DNMBP: variants seen among roughly 807,000 people sequenced by gnomAD.
DNMBP encodes the protein dynamin binding protein.
A neutral mutation model predicts 150.0 loss-of-function variants in DNMBP; 87 were observed. That is an observed-to-expected ratio of 0.58 (90% CI 0.49 to 0.69). The LOEUF is 0.69. DNMBP is among the 30% of genes least tolerant of loss of function. The pLI, the probability that DNMBP is intolerant of heterozygous loss-of-function variation, is 0.00. For synonymous variants in DNMBP, 711 were observed against 750.4 expected, an observed-to-expected ratio of 0.95 and a Z score of 0.86; for missense variants, 1,774 against 1,949.0, an observed-to-expected ratio of 0.91 and a Z score of 1.69.
In DNMBP at chr10:99,879,976, G is replaced by A. The variant is rs1274143913; in HGVS notation, c.4383C>T (p.Ala1461=). Residue 1461 remains alanine, a synonymous_variant, in exon 16 of 17, where the codon GCC becomes GCT. Coordinates refer to ENST00000324109, the MANE Select transcript of DNMBP (RefSeq NM_015221.4). ...TGAAGTTCCGGTAGCTCCTCGGCGT[G>A]GCAGTGGGTTGCTTTACATCTCTAG... ...DVARDVKQPT[A]TPRSYRNFRH... 1 of 1,614,184 alleles carries A rather than the reference G, an allele frequency of 6.2e-7. No homozygotes were observed. Among genetic ancestry groups the A allele is most frequent in the Non-Finnish European group, 8.5e-7 (1 of 1,180,044 alleles).
At chr10:99,991,811 CAGG>C (rs1232201969) in intron 1 of DNMBP, among the ~76,000 whole-genome samples, 1 of 149,312 alleles carries the variant, frequency 6.7e-6, no homozygotes, top group African/African-American at 2.5e-5. Context: ...GAGGCTGAGG[CAGG>C]AGAATGGTGT....
rs1293144729 is a variant in DNMBP at position 99,956,052 on chromosome 10, T to C, written c.1422A>G (p.Pro474=). 6.2e-7 allele frequency: 1 copy of C among 1,614,224 alleles called. No homozygotes were observed. The highest frequency in any genetic ancestry group is 1.1e-5 in the South Asian group (1 of 91,082). Residue 474 remains proline (P), a synonymous_variant, in exon 4 of 17, where the codon CCA becomes CCG. Transcript: ENST00000324109. ...AAGAGCCCCTGTAAAGAGGGAGCACTGGCTTCTGAAGAGTTTTTAGCTGGG... is the reference window on the plus strand; with the variant it reads ...AAGAGCCCCTGTAAAGAGGGAGCACCGGCTTCTGAAGAGTTTTTAGCTGGG... ...MYSQLKTLQK[P]VLPLYRGSSV...
chr10:99,957,581 A>C, intron 3 of DNMBP: 1 of 213,620 alleles, frequency 4.7e-6, no homozygotes, highest in Non-Finnish European at 9.4e-6. Flanking sequence ...TACACCAGAA[A>C]TCCGAGCACT....
At chr10:99,893,702 G>A (rs1046696466) in intron 11 of DNMBP, among the ~76,000 whole-genome samples, 1 of 152,212 alleles carries the variant, frequency 6.6e-6, no homozygotes, top group Admixed American at 6.5e-5. Flanking sequence ...ACTCTAGCCT[G>A]GCGAGAGTGA....
intron 11 of DNMBP, among the ~76,000 whole-genome samples, chr10:99,894,220 T>C (rs931412348): frequency 5.9e-5 from 9 of 152,184 alleles, no homozygotes; most frequent in African/African-American, 2.2e-4. Flanking sequence ...CACTGAGCTA[T>C]GATGGCACTA....
At chr10:99,967,668 G>GGTGTGT (rs140839578) in intron 3 of DNMBP, among the ~76,000 whole-genome samples, 1,727 of 145,606 alleles carry the variant, frequency 0.012, 20 homozygotes, top group East Asian at 0.037. Context: ...GGTTTTTCTG[G>GGTGTGT]GTGTGTGTGT....
intron 1 of DNMBP, among the ~76,000 whole-genome samples, chr10:100,004,258 T>A (rs145274372): frequency 0.055 from 8,273 of 150,142 alleles, 525 homozygotes; most frequent in African/African-American, 0.15. Context: ...AGAAAAAATA[T>A]ATATATATAA....
chr10:99,941,499 A>C, intron 4 of DNMBP, among the ~76,000 whole-genome samples: 1 of 142,394 alleles, frequency 7.0e-6, no homozygotes, highest in African/African-American at 2.6e-5. Context: ...ATGGAGTTTC[A>C]CTCTTGTTGC....
In DNMBP at chr10:99,896,368, T is replaced by C; in HGVS notation, c.2950A>G (p.Ser984Gly). 1 of 1,614,188 alleles carries C rather than the reference T, an allele frequency of 6.2e-7. No homozygotes were observed. Among genetic ancestry groups the C allele is most frequent in the Non-Finnish European group, 8.5e-7 (1 of 1,180,018 alleles). Reference sequence around the variant, plus strand: ...AGTTTGGAAATTTTCTCCATAAGGCTATCTTCATCACCCTTACGGTACTTG... The same window carrying C: ...AGTTTGGAAATTTTCTCCATAAGGCCATCTTCATCACCCTTACGGTACTTG... ...VLKYRKGDED[S>G]LMEKISKLNI... is the part of the protein sequence containing the mutation. Residue 984 changes from serine to glycine, a missense_variant, in exon 10 of 17, where the codon AGC becomes GGC. This residue lies in a region of DNMBP where 1,430 missense variants were observed against 1,492.5 expected (regional missense o/e 0.96). Transcript: ENST00000324109.
In DNMBP at chr10:100,001,688, C is replaced by T. The variant is rs189686089; in HGVS notation, c.-11+8150G>A. On this transcript the variant is annotated intron_variant, in intron 1 of 16. Transcript: ENST00000324109. ...TTGGCCTACCAAAGTGCCGGGATTA[C>T]AGGTGTGAGCCACCGTACGTGGCCT... Among the ~76,000 whole-genome samples the T allele has an allele frequency of 5.4e-5, 8 of 148,818 alleles. No homozygotes were observed. The East Asian group carries it at 1.5e-3, about 29-fold the overall frequency.
intron 6 of DNMBP, among the ~76,000 whole-genome samples, chr10:99,905,001 AG>A (rs1456470988): frequency 1.3e-5 from 2 of 152,248 alleles, no homozygotes; most frequent in African/African-American, 4.8e-5. Context: ...ATAAACTGGA[AG>A]AAAAATGAGT....
chr10:99,998,106 A>G (rs538004525), intron 1 of DNMBP, among the ~76,000 whole-genome samples: 156 of 150,874 alleles, frequency 1.0e-3, no homozygotes, highest in Non-Finnish European at 1.9e-3. Context: ...GTGGTGGCGC[A>G]CACCTGTATT....
chr10:99,914,224 C>CAAATAGAAAGGAAGGTG, intron 4 of DNMBP: 1 of 799,208 alleles, frequency 1.3e-6, no homozygotes, highest in Non-Finnish European at 1.7e-6. Context: ...GGATCAACAC[C>CAAATAGAAAGGAAGGTG]TTCCTTTCTA....
Position 99,931,914 on chromosome 10 carries a change from G to A in DNMBP, c.2261-22768C>T, listed in dbSNP as rs993867653. ...GTTGGATGTGAACAGTGACTTCTAG[G>A]AGAAGCAGGATCTCTGCAGACTTCA... On this transcript the variant is annotated intron_variant, in intron 4 of 16. Transcript: ENST00000324109. Among the ~76,000 whole-genome samples, 14 of 152,232 alleles carry A rather than the reference G, an allele frequency of 9.2e-5. 1 individual carries two copies. The highest frequency in any genetic ancestry group is 9.2e-4 in the Admixed American group (14 of 15,282).
Position 99,898,144 on chromosome 10 carries a change from G to A in DNMBP, c.2862C>T (p.Val954=). 1 of 1,614,062 alleles carries A rather than the reference G, an allele frequency of 6.2e-7. No homozygotes were observed. The highest frequency in any genetic ancestry group is 8.5e-7 in the Non-Finnish European group (1 of 1,180,002). The part of the protein sequence containing the change: ...HPDKVPLTNA[V]LAVKEINVNI... Reference sequence around the variant, plus strand: ...TAACGTTGATTTCCTTGACCGCAAGGACTGCATTGGTTAAAGGCACTTTAT... The same window carrying A: ...TAACGTTGATTTCCTTGACCGCAAGAACTGCATTGGTTAAAGGCACTTTAT... Residue 954 remains valine (V), a synonymous_variant, in exon 9 of 17, where the codon GTC becomes GTT. Coordinates refer to ENST00000324109, the MANE Select transcript of DNMBP (RefSeq NM_015221.4).
intron 1 of DNMBP, among the ~76,000 whole-genome samples, chr10:99,987,913 T>C (rs577956373): frequency 6.6e-6 from 1 of 152,312 alleles, no homozygotes; most frequent in Non-Finnish European, 1.5e-5. Context: ...AGCAAATGCA[T>C]ATGATCACAG....
chr10:100,005,778 A>C (rs201522417), intron 1 of DNMBP, among the ~76,000 whole-genome samples: 1 of 128,996 alleles, frequency 7.8e-6, no homozygotes, highest in Non-Finnish European at 1.6e-5. Flanking sequence ...AAAAAAAAAA[A>C]AAAAAACCAA....
At chr10:99,936,912 T>A (rs1384879972) in intron 4 of DNMBP, among the ~76,000 whole-genome samples, 1 of 151,978 alleles carries the variant, frequency 6.6e-6, no homozygotes, top group Non-Finnish European at 1.5e-5. Context: ...TATTTCTTAT[T>A]CTTTGAGACA....
intron 7 of DNMBP, among the ~76,000 whole-genome samples, chr10:99,899,013 T>C (rs2039700658): frequency 6.6e-6 from 1 of 151,386 alleles, no homozygotes; most frequent in African/African-American, 2.4e-5. Flanking sequence ...GCCAACCTGG[T>C]GAAACCCCGT....
Sources: gnomAD v4.1 joint callset for allele counts (sites outside exome capture counted in the v4.1 genomes callset) on GRCh38, gnomAD v4.1.1 for gene constraint, gnomAD v4.1.1 regional missense constraint, MANE v1.5 for transcripts, NCBI Gene and HGNC (gene_info 2026-07-23, HGNC 2026-07-21) for gene names.